GLIS3: variants seen among roughly 807,000 people sequenced by gnomAD.
GLIS3 encodes zinc finger protein GLIS3.
GLIS3 carries 53 observed loss-of-function variants against 78.6 expected under a neutral mutation model. The ratio of observed to expected loss-of-function variants is 0.67; its 90% CI spans 0.54 to 0.85. The LOEUF (loss-of-function observed/expected upper bound fraction) is 0.85. Ranked by LOEUF, GLIS3 falls within the 40% of genes least tolerant of loss-of-function variation. The pLI, the probability that GLIS3 is intolerant of heterozygous loss-of-function variation, is 0.00. For synonymous variants in GLIS3, 684 were observed against 509.9 expected (o/e 1.34, Z -4.60); for missense variants, 1,703 against 1,231.1 (o/e 1.38, Z -5.74).
intron 2 of GLIS3, among the ~76,000 whole-genome samples, chr9:4,141,744 T>A (rs555631868): frequency 6.6e-6 from 1 of 152,320 alleles, no homozygotes; most frequent in South Asian, 2.1e-4. Context: ...ATATCTACCT[T>A]TTGGCTCAGA....
chr9:4,069,864 G>C (rs1827439155), intron 4 of GLIS3, among the ~76,000 whole-genome samples: 2 of 151,934 alleles, frequency 1.3e-5, no homozygotes, highest in Admixed American at 6.6e-5. Context: ...GCCTTCTCCA[G>C]CTTGAGGTGT....
At chr9:4,398,173 A>G in the GLIS3 span, among the ~76,000 whole-genome samples, 1 of 152,024 alleles carries the variant, frequency 6.6e-6, no homozygotes, top group Non-Finnish European at 1.5e-5. Flanking sequence ...CCAAACCCAC[A>G]GAATATTCTT....
Position 4,251,798 on chromosome 9 carries a change from T to C in GLIS3, c.388+34240A>G, listed in dbSNP as rs548961760. On this transcript the variant is annotated intron_variant, in intron 2 of 10. Transcript: ENST00000381971. ...TTCAGGAGCTTTTGTAAGGCAGGCC[T>C]GGTAGTGACAAAATCTCTAAGCATT... Among the ~76,000 whole-genome samples, 273 of 152,302 alleles carry C rather than the reference T, an allele frequency of 1.8e-3. 1 individual carries two copies. Among genetic ancestry groups the C allele is most frequent in the African/African-American group, 6.2e-3 (256 of 41,558 alleles).
At chr9:3,879,202 G>T (rs778404671) in intron 8 of GLIS3, among the ~76,000 whole-genome samples, 24 of 152,158 alleles carry the variant, frequency 1.6e-4, no homozygotes, top group Non-Finnish European at 3.4e-4. Flanking sequence ...TGAAACTTTG[G>T]CTGGCTATTG....
chr9:4,238,309 G>C (rs1005456700), intron 2 of GLIS3, among the ~76,000 whole-genome samples: 9 of 152,104 alleles, frequency 5.9e-5, no homozygotes, highest in Non-Finnish European at 1.2e-4. Context: ...GCCCAGAATA[G>C]ATGACACAGA....
At chr9:4,489,581 C>A in the GLIS3 span, among the ~76,000 whole-genome samples, 1 of 152,056 alleles carries the variant, frequency 6.6e-6, no homozygotes, top group Non-Finnish European at 1.5e-5. Flanking sequence ...AATGGAAGAG[C>A]ATCAGAAATT....
Position 3,961,874 on chromosome 9 carries a change from G to C in GLIS3, c.1711-24685C>G, listed in dbSNP as rs538429985. 4.6e-5 allele frequency among the ~76,000 whole-genome samples: 7 copies of C among 152,242 alleles called. No individual in the cohort carries two copies. The South Asian group carries it at 1.5e-3, about 32-fold the overall frequency. On this transcript the variant is annotated intron_variant, in intron 4 of 10. Transcript: ENST00000381971. ...TGAAACCTTCAAGAAAATTAGTTAT[G>C]ATCACAAAGTATCTTGACATAAACA...
intron 2 of GLIS3, among the ~76,000 whole-genome samples, chr9:4,185,591 C>T (rs1043672249): frequency 6.6e-6 from 1 of 151,226 alleles, no homozygotes; most frequent in African/African-American, 2.5e-5. Flanking sequence ...GCAGATGGCA[C>T]ATTCAAATTA....
intron 2 of GLIS3, among the ~76,000 whole-genome samples, chr9:4,143,879 T>C (rs893774232): frequency 1.3e-5 from 2 of 152,224 alleles, no homozygotes; most frequent in Non-Finnish European, 2.9e-5. Context: ...GAACTATCTA[T>C]GGCGAAACCA....
At chr9:4,430,473 C>T in the GLIS3 span, among the ~76,000 whole-genome samples, 4 of 152,198 alleles carry the variant, frequency 2.6e-5, no homozygotes, top group South Asian at 2.1e-4. Context: ...CTATGTCTTT[C>T]GTGCAAAATA....
At chr9:4,170,287 G>C (rs1333291869) in intron 2 of GLIS3, among the ~76,000 whole-genome samples, 1 of 152,182 alleles carries the variant, frequency 6.6e-6, no homozygotes. Flanking sequence ...CAACTCTTTT[G>C]GACACAGACT....
chr9:4,243,769 G>A (rs530947473), intron 2 of GLIS3, among the ~76,000 whole-genome samples: 19 of 152,280 alleles, frequency 1.2e-4, no homozygotes, highest in African/African-American at 2.9e-4. Flanking sequence ...TGTAATCCAC[G>A]TTGAAGGTGG....
At chr9:4,444,345 T>C in the GLIS3 span, among the ~76,000 whole-genome samples, 1 of 152,246 alleles carries the variant, frequency 6.6e-6, no homozygotes, top group African/African-American at 2.4e-5. Context: ...ATCAGAGATA[T>C]TATGTAATCA....
intron 9 of GLIS3, among the ~76,000 whole-genome samples, chr9:3,851,321 CAG>C (rs1563775114): frequency 1.3e-5 from 2 of 152,218 alleles, no homozygotes; most frequent in African/African-American, 4.8e-5. Flanking sequence ...TACATGATTG[CAG>C]AGTGTCCCTA....
intron 2 of GLIS3, among the ~76,000 whole-genome samples, chr9:4,332,705 T>A (rs1050261597): frequency 6.6e-6 from 1 of 152,246 alleles, no homozygotes; most frequent in East Asian, 1.9e-4. Flanking sequence ...CTTTGAGCTA[T>A]TGTAGCTAAT....
At chr9:4,189,059 T>G (rs1283459426) in intron 2 of GLIS3, among the ~76,000 whole-genome samples, 9 of 152,048 alleles carry the variant, frequency 5.9e-5, no homozygotes, top group Non-Finnish European at 7.4e-5. Flanking sequence ...TGTTTGCTCT[T>G]GCTTTTCTAG....
At chr9:4,183,504 G>A (rs1356406506) in intron 2 of GLIS3, among the ~76,000 whole-genome samples, 4 of 152,154 alleles carry the variant, frequency 2.6e-5, no homozygotes, top group Non-Finnish European at 5.9e-5. Context: ...ACTGAAGGAA[G>A]CAGCGATCCT....
chr9:4,031,152 C>G (rs1328128895), intron 4 of GLIS3, among the ~76,000 whole-genome samples: 2 of 152,086 alleles, frequency 1.3e-5, no homozygotes, highest in African/African-American at 2.4e-5. Context: ...AGATGTTATA[C>G]CCAAAAGAAT....
chr9:4,068,502 T>C (rs187492745), intron 4 of GLIS3, among the ~76,000 whole-genome samples: 6 of 152,344 alleles, frequency 3.9e-5, no homozygotes, highest in Admixed American at 3.9e-4. Context: ...TTTTAAAATG[T>C]GTTTGAGCAG....
Sources: allele counts gnomAD v4.1 joint callset (sites outside exome capture counted in the v4.1 genomes callset), GRCh38; gene constraint gnomAD v4.1.1; transcripts MANE v1.5; gene names NCBI Gene and HGNC (gene_info 2026-07-23, HGNC 2026-07-21).